Variants in PCSK2 observed in about 807,000 individuals in gnomAD.
PCSK2 encodes neuroendocrine convertase 2.
A neutral mutation model predicts 69.7 loss-of-function variants in PCSK2; 14 were observed. The ratio of observed to expected loss-of-function variants is 0.20; its 90% confidence interval spans 0.13 to 0.31. The LOEUF is 0.31. Among genes scored for constraint, PCSK2 ranks in the 10% least tolerant of loss-of-function variants. The pLI is 1.00. For missense variants in PCSK2, 544 were observed against 842.5 expected, an observed-to-expected ratio of 0.65 and a Z score of 4.39; for synonymous variants, 307 against 320.7, an observed-to-expected ratio of 0.96 and a Z score of 0.46.
rs974799962 is a variant in PCSK2 at position 17,247,226 on chromosome 20, T to G, written c.178-13014T>G. Among the ~76,000 whole-genome samples the G allele has an allele frequency of 1.8e-4, 27 of 152,240 alleles. No homozygotes were observed. In the Middle Eastern group the frequency reaches 0.01, roughly 58 times the overall value. On this transcript the variant is annotated intron_variant, in intron 1 of 11. Transcript: ENST00000262545. ...GCTTCCCTTTCTCTCCCATCCCTAC[T>G]CCTGGGCATCATGTTCTGCCTATAA...
chr20:17,347,930 A>AGG (rs1568612416), intron 2 of PCSK2, among the ~76,000 whole-genome samples: 2 of 71,640 alleles, frequency 2.8e-5, no homozygotes, highest in African/African-American at 1.2e-4. Flanking sequence ...GGAGAGAGAA[A>AGG]AAAGAGAAAG....
intron 2 of PCSK2, among the ~76,000 whole-genome samples, chr20:17,324,555 C>T (rs770143824): frequency 2.6e-5 from 4 of 152,122 alleles, no homozygotes; most frequent in Middle Eastern, 3.2e-3. Flanking sequence ...TAAGAACCAT[C>T]GACTTAGGAC....
At chr20:17,367,412 C>T (rs1367463905) in intron 4 of PCSK2, among the ~76,000 whole-genome samples, 1 of 152,208 alleles carries the variant, frequency 6.6e-6, no homozygotes, top group Non-Finnish European at 1.5e-5. Flanking sequence ...ATAATAGTCC[C>T]ATTTCAAATA....
chr20:17,372,024 A>T (rs1049131397), intron 5 of PCSK2, among the ~76,000 whole-genome samples: 2 of 152,192 alleles, frequency 1.3e-5, no homozygotes, highest in Non-Finnish European at 2.9e-5. Flanking sequence ...GAGGCATTCC[A>T]CTTGTTCAGT....
intron 2 of PCSK2, among the ~76,000 whole-genome samples, chr20:17,265,088 T>C (rs1433203206): frequency 6.6e-6 from 1 of 152,194 alleles, no homozygotes; most frequent in Non-Finnish European, 1.5e-5. Flanking sequence ...GGTCTTGAAC[T>C]CCTGACATCG....
chr20:17,399,602 G>A (rs2031590192), intron 5 of PCSK2, among the ~76,000 whole-genome samples: 1 of 152,112 alleles, frequency 6.6e-6, no homozygotes. Flanking sequence ...AAGCCATGGG[G>A]GCACTTAGCA....
intron 2 of PCSK2, among the ~76,000 whole-genome samples, chr20:17,305,023 C>G (rs950248955): frequency 6.6e-6 from 1 of 152,184 alleles, no homozygotes. Context: ...AGTAATGCTT[C>G]CATTGCCTCC....
intron 2 of PCSK2, among the ~76,000 whole-genome samples, chr20:17,353,368 G>A (rs570012337): frequency 6.6e-6 from 1 of 151,900 alleles, no homozygotes; most frequent in African/African-American, 2.4e-5. Context: ...GGGTGGCTGA[G>A]GCAGGAGAAT....
At chr20:17,389,334 G>A (rs2031313619) in intron 5 of PCSK2, among the ~76,000 whole-genome samples, 1 of 152,176 alleles carries the variant, frequency 6.6e-6, no homozygotes. Context: ...GTGGTCATCA[G>A]TTCACACAGC....
rs2031669300 is a variant in PCSK2 at position 17,402,772 on chromosome 20, G to A, written c.544-6491G>A. 4.6e-5 allele frequency among the ~76,000 whole-genome samples: 7 copies of A among 151,372 alleles called. 1 individual carries two copies. In the South Asian group the frequency reaches 1.3e-3, roughly 27 times the overall value. Reference sequence around the variant, plus strand: ...GATCAAGACCATCCTGGCTAATATAGTGAACCCCGTCTCTACTAAAAGTAC... The same window carrying A: ...GATCAAGACCATCCTGGCTAATATAATGAACCCCGTCTCTACTAAAAGTAC... On this transcript the variant is annotated intron_variant, in intron 5 of 11. Transcript: ENST00000262545.
At chr20:17,409,767 C>T (rs1447437424) in intron 6 of PCSK2, among the ~76,000 whole-genome samples, 1 of 152,144 alleles carries the variant, frequency 6.6e-6, no homozygotes, top group Non-Finnish European at 1.5e-5. Context: ...CTCATGGAGT[C>T]CCTTTCAACA....
intron 6 of PCSK2, among the ~76,000 whole-genome samples, chr20:17,421,807 TAAAAAAAAAAAA>T (rs56376793): frequency 0.47 from 37,440 of 79,358 alleles, 6,415 homozygotes; most frequent in South Asian, 0.67. Flanking sequence ...GGAAGAGAGG[TAAAAAAAAAAAA>T]AAAAAAAAAA....
At chr20:17,275,666 A>T (rs2123034088) in intron 2 of PCSK2, among the ~76,000 whole-genome samples, 1 of 152,328 alleles carries the variant, frequency 6.6e-6, no homozygotes, top group South Asian at 2.1e-4. Flanking sequence ...ATGTAAGATT[A>T]AATAGGAAAT....
At chr20:17,288,169 A>G (rs1988581652) in intron 2 of PCSK2, among the ~76,000 whole-genome samples, 2 of 152,062 alleles carry the variant, frequency 1.3e-5, no homozygotes, top group South Asian at 4.1e-4. Flanking sequence ...CTCTGAGGAG[A>G]TCCCTTCTCA....
chr20:17,372,070 AACCACAG>A (rs2030780728), intron 5 of PCSK2, among the ~76,000 whole-genome samples: 3 of 152,336 alleles, frequency 2.0e-5, no homozygotes, highest in Admixed American at 2.0e-4. Flanking sequence ...AATGGGTGGT[AACCACAG>A]AAGCAAAATT....
At chr20:17,268,367 G>T (rs1987718381) in intron 2 of PCSK2, among the ~76,000 whole-genome samples, 3 of 152,106 alleles carry the variant, frequency 2.0e-5, no homozygotes, top group African/African-American at 7.2e-5. Context: ...GAGTAGAGCA[G>T]AGTATGGGAA....
chr20:17,283,420 A>T (rs531058894), intron 2 of PCSK2, among the ~76,000 whole-genome samples: 1 of 152,304 alleles, frequency 6.6e-6, no homozygotes, highest in African/African-American at 2.4e-5. Context: ...TCTTACTTGG[A>T]GCACATTTTA....
intron 8 of PCSK2, 62 bp downstream of exon 8, chr20:17,436,945 G>A: frequency 7.1e-7 from 1 of 1,417,326 alleles, no homozygotes; most frequent in Non-Finnish European, 9.5e-7. Flanking sequence ...GGGTGGAGGG[G>A]TAGATGCAAC....
chr20:17,462,199 C>T (rs940231895), intron 10 of PCSK2, among the ~76,000 whole-genome samples: 3 of 151,618 alleles, frequency 2.0e-5, no homozygotes, highest in Non-Finnish European at 4.4e-5. Flanking sequence ...CTCCCCTGAA[C>T]GAGGTTTGCT....
Sources: allele counts gnomAD v4.1 joint callset (sites outside exome capture counted in the v4.1 genomes callset), GRCh38; gene constraint gnomAD v4.1.1; transcripts MANE v1.5; gene names NCBI Gene and HGNC (gene_info 2026-07-23, HGNC 2026-07-21).